The following ALB variants were observed in gnomAD, a reference collection of about 807,000 sequenced individuals.
ALB encodes serum albumin.
Under a neutral mutation model 74.5 loss-of-function variants are expected in ALB, and 37 were observed. That is an observed-to-expected ratio of 0.50 (90% CI 0.38 to 0.65). ALB has a LOEUF of 0.65. ALB is among the 30% of genes least tolerant of loss of function. The probability of loss-of-function intolerance (pLI) is 0.00; values close to 1 mark genes in which losing one functional copy is unlikely to be tolerated. For synonymous variants in ALB, 249 were observed against 251.6 expected (o/e 0.99, Z 0.10); for missense variants, 685 against 718.7 (o/e 0.95, Z 0.54).
chr4:73,420,850 C>T, intron 14 of ALB: 1 of 403,224 alleles, frequency 2.5e-6, no homozygotes, highest in Non-Finnish European at 4.4e-6. Context: ...ATTACATTTC[C>T]AATTTGTCAA....
chr4:73,412,397 A>G (rs1393240043), intron 7 of ALB, among the ~76,000 whole-genome samples: 4 of 152,218 alleles, frequency 2.6e-5, no homozygotes, highest in Non-Finnish European at 4.4e-5. Context: ...TAGAACAGTT[A>G]CAAGGTTTTA....
rs1232238010 is a variant in ALB at position 73,413,494 on chromosome 4, T to C, written c.918T>C (p.Pro306=). The C allele has an allele frequency of 1.2e-6, 2 of 1,614,164 alleles. No individual in the cohort carries two copies. Among genetic ancestry groups the C allele is most frequent in the Non-Finnish European group, 1.7e-6 (2 of 1,180,020 alleles). ...SSKLKECCEK[P]LLEKSHCIAE... ...AACTGAAGGAATGCTGTGAAAAACC[T>C]CTGTTGGAAAAATCCCACTGCATTG... is the stretch of plus-strand genomic sequence containing the variant. The change falls in exon 8 of 15, where the codon CCT becomes CCC. Residue 306 remains proline (P), a synonymous_variant. Transcript: ENST00000295897.
At position 73,416,358 on chromosome 4, in the gene ALB, G is replaced by A; in HGVS notation, c.1289+5G>A. 1 of 1,605,634 alleles carries A rather than the reference G, an allele frequency of 6.2e-7. No homozygotes were observed. Among genetic ancestry groups the A allele is most frequent in the Non-Finnish European group, 8.5e-7 (1 of 1,174,362 alleles). On this transcript the variant is annotated splice_donor_5th_base_variant and intron_variant, in intron 10 of 14. Coordinates refer to ENST00000295897, the MANE Select transcript of ALB (RefSeq NM_000477.7). ...AGAGTACAAATTCCAGAATGCGTAA[G>A]TAATTTTTATTGACTGATTTTTTTT...
chr4:73,406,115 T>G (rs74732818), intron 2 of ALB, among the ~76,000 whole-genome samples: 1 of 151,974 alleles, frequency 6.6e-6, no homozygotes, highest in Middle Eastern at 3.4e-3. Context: ...ACAAAAAAAT[T>G]AGGCATGGTG....
In ALB at chr4:73,410,631, C is replaced by T. The variant is rs950749215; in HGVS notation, c.713+222C>T. 3.3e-5 allele frequency among the ~76,000 whole-genome samples: 5 copies of T among 152,042 alleles called. No individual in the cohort carries two copies. In the South Asian group the frequency reaches 6.2e-4, roughly 19 times the overall value. ...CTAAATAGTTGAATAATTTAGAGGACGCTGTCCTTTTTGTCCTAAAAAAAG... is the reference window on the plus strand; with the variant it reads ...CTAAATAGTTGAATAATTTAGAGGATGCTGTCCTTTTTGTCCTAAAAAAAG... On this transcript the variant is annotated intron_variant, in intron 6 of 14. Coordinates refer to ENST00000295897, the MANE Select transcript of ALB (RefSeq NM_000477.7).
At chr4:73,418,439 T>C in intron 12 of ALB, 128 bp downstream of exon 12, 1 of 830,290 alleles carries the variant, frequency 1.2e-6, no homozygotes, top group South Asian at 1.5e-5. Flanking sequence ...GTTGCCCTTA[T>C]TATGCTGATA....
At chr4:73,410,844 T>C (rs1560856239) in intron 6 of ALB, among the ~76,000 whole-genome samples, 1 of 152,190 alleles carries the variant, frequency 6.6e-6, no homozygotes, top group Non-Finnish European at 1.5e-5. Flanking sequence ...GTATACAACA[T>C]ATATAATCCC....
chr4:73,409,514 G>T, intron 5 of ALB, 27 bp downstream of exon 5: 2 of 1,613,624 alleles, frequency 1.2e-6, no homozygotes, highest in South Asian at 1.1e-5. Flanking sequence ...TAGAAAAAAA[G>T]AGTTCATTAT....
chr4:73,409,541 C>T, intron 5 of ALB, 54 bp downstream of exon 5: 3 of 1,611,426 alleles, frequency 1.9e-6, no homozygotes, highest in Non-Finnish European at 2.5e-6. Flanking sequence ...TGATTTTGTC[C>T]ATTTTGTGGC....
At chr4:73,419,767 C>A in intron 13 of ALB, 128 bp downstream of exon 13, 1 of 1,164,814 alleles carries the variant, frequency 8.6e-7, no homozygotes, top group Non-Finnish European at 1.2e-6. Context: ...ATTTTACAAA[C>A]AATTGTCTTA....
chr4:73,414,168 T>A (rs1191870557), intron 8 of ALB, among the ~76,000 whole-genome samples: 1 of 152,224 alleles, frequency 6.6e-6, no homozygotes, highest in Non-Finnish European at 1.5e-5. Context: ...TTACATATTG[T>A]CAGAAGTTGT....
In ALB at chr4:73,413,498, T is replaced by A. The variant is rs1718930240; in HGVS notation, c.922T>A (p.Leu308Met). Residue 308 changes from leucine to methionine, a missense_variant, in exon 8 of 15, where the codon TTG becomes ATG. Transcript: ENST00000295897. ...KLKECCEKPLLEKSHCIAEVE... is the reference protein window; with the variant it reads ...KLKECCEKPLMEKSHCIAEVE... ...GAAGGAATGCTGTGAAAAACCTCTG[T>A]TGGAAAAATCCCACTGCATTGCCGA... 4.3e-6 allele frequency: 7 copies of A among 1,614,062 alleles called. No individual in the cohort carries two copies. Among genetic ancestry groups the A allele is most frequent in the African/African-American group, 1.3e-5 (1 of 74,948 alleles).
chr4:73,407,139 A>G (rs1298491393), intron 3 of ALB, among the ~76,000 whole-genome samples: 2 of 148,908 alleles, frequency 1.3e-5, no homozygotes, highest in Admixed American at 6.7e-5. Context: ...AACCCTTAAC[A>G]TGAGATCTAC....
chr4:73,417,696 T>C (rs780120432), intron 11 of ALB, 27 bp downstream of exon 11: 2 of 1,514,998 alleles, frequency 1.3e-6, no homozygotes, highest in South Asian at 2.6e-5. Flanking sequence ...ATATAATAAA[T>C]TAATAATGAA....
Position 73,404,338 on chromosome 4 carries a change from T to C in ALB, c.11T>C (p.Val4Ala), listed in dbSNP as rs1577933543. The change falls in exon 1 of 15, where the codon GTA (valine) becomes GCA (alanine). Residue 4 changes from valine to alanine, a missense_variant. Val to Ala is a moderately conservative substitution (Grantham distance 64). Transcript: ENST00000295897. Reference sequence around the variant, plus strand: ...CACGCCTTTGGCACAATGAAGTGGGTAACCTTTATTTCCCTTCTTTTTCTC... The same window carrying C: ...CACGCCTTTGGCACAATGAAGTGGGCAACCTTTATTTCCCTTCTTTTTCTC... MKW[V>A]TFISLLFLFS... is the part of the protein sequence containing the mutation. 6.2e-7 allele frequency: 1 copy of C among 1,613,714 alleles called. No homozygotes were observed. Among genetic ancestry groups the C allele is most frequent in the Non-Finnish European group, 8.5e-7 (1 of 1,179,690 alleles).
chr4:73,411,207 A>G (rs1718866482), intron 6 of ALB, among the ~76,000 whole-genome samples: 1 of 150,604 alleles, frequency 6.6e-6, no homozygotes, highest in Non-Finnish European at 1.5e-5. Flanking sequence ...CATCATTCCT[A>G]CCATCTACAC....
intron 7 of ALB, 143 bp downstream of exon 7, chr4:73,412,268 C>T: frequency 1.9e-6 from 2 of 1,038,474 alleles, no homozygotes; most frequent in Non-Finnish European, 3.0e-6. Context: ...TCTTTCCCTG[C>T]CTATGGTGGT....
At chr4:73,418,471 A>G (rs1266839586) in intron 12 of ALB, among the ~76,000 whole-genome samples, 160 bp downstream of exon 12, 1 of 152,204 alleles carries the variant, frequency 6.6e-6, no homozygotes, top group Non-Finnish European at 1.5e-5. Context: ...AATAAAATGA[A>G]TAACTTTTTA....
At chr4:73,414,912 T>G (rs1718974896) in intron 8 of ALB, 123 bp from the exon 9 acceptor site, 1 of 1,247,278 alleles carries the variant, frequency 8.0e-7, no homozygotes, top group African/African-American at 1.5e-5. Context: ...GCTACTAAGC[T>G]TTACTGCATG....
Sources: allele counts gnomAD v4.1 joint callset (sites outside exome capture counted in the v4.1 genomes callset), GRCh38; gene constraint gnomAD v4.1.1; transcripts MANE v1.5; gene names NCBI Gene and HGNC (gene_info 2026-07-23, HGNC 2026-07-21).